The following TRPM2 variants were observed in gnomAD, a reference collection of about 807,000 sequenced individuals.
The protein encoded by TRPM2 is transient receptor potential cation channel subfamily M member 2, also known as estrogen-responsive element-associated gene 1 protein.
A neutral mutation model predicts 174.0 loss-of-function variants in TRPM2; 161 were observed. That is an observed-to-expected ratio of 0.93 (90% CI 0.81 to 1.05). The LOEUF (loss-of-function observed/expected upper bound fraction) is 1.05, where lower values mean the gene tolerates loss of function less well. Among genes scored for constraint, TRPM2 ranks in the 50% least tolerant of loss-of-function variants. TRPM2 has a pLI of 0.00. For synonymous variants in TRPM2, 954 were observed against 861.3 expected (o/e 1.11, Z -1.88); for missense variants, 2,057 against 2,038.0 (o/e 1.01, Z -0.18).
intron 9 of TRPM2, among the ~76,000 whole-genome samples, chr21:44,385,492 C>T (rs144360016): frequency 0.01 from 1,551 of 152,274 alleles, 11 homozygotes; most frequent in Admixed American, 0.017. Context: ...GGGAAGGATG[C>T]ATACTTTCAC....
chr21:44,356,120 G>A (rs1321652167), intron 2 of TRPM2, among the ~76,000 whole-genome samples: 1 of 132,530 alleles, frequency 7.5e-6, no homozygotes, highest in Non-Finnish European at 1.6e-5. Flanking sequence ...CGAGGCAGGT[G>A]ATCCACCCGC....
At chr21:44,387,193 T>C (rs1203314796) in intron 9 of TRPM2, among the ~76,000 whole-genome samples, 1 of 151,628 alleles carries the variant, frequency 6.6e-6, no homozygotes, top group Non-Finnish European at 1.5e-5. Flanking sequence ...CTCAAAAAAA[T>C]CCCAAAAAGA....
intron 31 of TRPM2, among the ~76,000 whole-genome samples, chr21:44,441,246 CCA>C (rs2051493812): frequency 8.4e-5 from 3 of 35,676 alleles, no homozygotes; most frequent in African/African-American, 6.1e-4. Flanking sequence ...GGCCAGGCGA[CCA>C]TAGGGCCCTG....
At chr21:44,374,183 G>A (rs1229948936) in intron 5 of TRPM2, among the ~76,000 whole-genome samples, 2 of 151,974 alleles carry the variant, frequency 1.3e-5, no homozygotes, top group Non-Finnish European at 2.9e-5. Context: ...GCTAATTTTT[G>A]TATTTTTAGT....
chr21:44,414,117 C>T (rs376958279), intron 20 of TRPM2, 43 bp downstream of exon 20: 58 of 1,489,582 alleles, frequency 3.9e-5, no homozygotes, highest in Middle Eastern at 1.7e-4. Context: ...GGTGGGTGGG[C>T]GGCGTTCCTG....
intron 5 of TRPM2, among the ~76,000 whole-genome samples, chr21:44,373,637 C>T (rs28613260): frequency 0.016 from 2,158 of 137,688 alleles, 84 homozygotes; most frequent in African/African-American, 0.062. Flanking sequence ...ATATGCGACC[C>T]GGATAGGCTG....
rs777671457 is a variant in TRPM2 at position 44,366,780 on chromosome 21, C to T, written c.450C>T (p.Pro150=). ...ACGTCCGAGTCTCCCAGGACACGCC[C>T]TCCAGCGTGATCTACCACCTCATGA... is the stretch of plus-strand genomic sequence containing the variant. ...KKYVRVSQDT[P]SSVIYHLMTQ... is the part of the protein sequence containing the mutation. Residue 150 remains proline (P), a synonymous_variant, in exon 4 of 32, where the codon CCC becomes CCT. Transcript: ENST00000397928. The surrounding 1 kb of genome is among the most constrained non-coding windows in gnomAD (Gnocchi z 6.0). 10 of 1,613,926 alleles carry T rather than the reference C, an allele frequency of 6.2e-6. No homozygotes were observed. Among genetic ancestry groups the T allele is most frequent in the African/African-American group, 1.3e-5 (1 of 74,896 alleles).
intron 12 of TRPM2, among the ~76,000 whole-genome samples, chr21:44,397,139 A>G (rs544376430): frequency 4.0e-5 from 6 of 151,860 alleles, no homozygotes; most frequent in East Asian, 3.9e-4. Context: ...ACCGTGTTCA[A>G]GCGATTCTCC....
intron 11 of TRPM2, among the ~76,000 whole-genome samples, chr21:44,393,125 T>A (rs1358456905): frequency 1.3e-5 from 2 of 152,160 alleles, no homozygotes; most frequent in Non-Finnish European, 2.9e-5. Flanking sequence ...CCTGCCGTAA[T>A]CTCCACCCTG....
At chr21:44,379,302 CTGGG>C in intron 8 of TRPM2, 105 bp downstream of exon 8, 6 of 1,379,648 alleles carry the variant, frequency 4.3e-6, no homozygotes, top group Non-Finnish European at 6.0e-6. Flanking sequence ...GGAGAACCCA[CTGGG>C]TCTGAGTGGG....
At chr21:44,394,275 C>T (rs903999141) in intron 11 of TRPM2, among the ~76,000 whole-genome samples, 3 of 149,922 alleles carry the variant, frequency 2.0e-5, no homozygotes, top group Non-Finnish European at 3.0e-5. Context: ...AGCAGAATCT[C>T]AAGCTTATCT....
rs200443114 is a variant in TRPM2, at chr21:44,399,468, A to G, written c.2208+27A>G. Reference sequence around the variant, plus strand: ...TGACCTCCCAAGAGCCCCTTCCAGAAACAGACGCCTGTGGTGCCTGCAGGG... The same window carrying G: ...TGACCTCCCAAGAGCCCCTTCCAGAGACAGACGCCTGTGGTGCCTGCAGGG... On this transcript the variant is annotated intron_variant, in intron 14 of 31. Coordinates refer to ENST00000397928, the MANE Select transcript of TRPM2 (RefSeq NM_003307.4). This position sits in a 1 kb window ranked among gnomAD's most constrained non-coding sequence, Gnocchi z 4.6. The G allele has an allele frequency of 6.2e-7, 1 of 1,600,178 alleles. No individual in the cohort carries two copies. Among genetic ancestry groups the G allele is most frequent in the East Asian group, 2.2e-5 (1 of 44,618 alleles).
rs755866235 is a variant in TRPM2 at position 44,432,373 on chromosome 21, G to C, written c.3975-2758G>C. Among the ~76,000 whole-genome samples the C allele has an allele frequency of 6.6e-6, 1 of 152,154 alleles. No individual in the cohort carries two copies. The highest frequency in any genetic ancestry group is 1.5e-5 in the Non-Finnish European group (1 of 68,036). ...CCCTGCACGTGTCTGTGTCTCTTCT[G>C]TTCTTAGGATTATAAATCGTACTGG... On this transcript the variant is annotated intron_variant, in intron 27 of 31. Transcript: ENST00000397928. The surrounding 1 kb of genome is among the most constrained non-coding windows in gnomAD (Gnocchi z 4.9).
At chr21:44,380,657 G>A (rs1444334972) in intron 8 of TRPM2, among the ~76,000 whole-genome samples, 2 of 152,154 alleles carry the variant, frequency 1.3e-5, no homozygotes, top group African/African-American at 2.4e-5. Context: ...CCTTTAACAC[G>A]CCTTCTCAGA....
chr21:44,406,157 C>T lies in TRPM2; in HGVS notation c.2790+120C>T. 3 of 1,300,404 alleles carry T rather than the reference C, an allele frequency of 2.3e-6. No homozygotes were observed. The South Asian group carries it at 4.2e-5, about 18-fold the overall frequency. The allele number at this position is 1,300,404 out of a possible 1,614,324, so 80.6% of individuals were successfully genotyped here. A position where few individuals can be genotyped will look rare whatever the true frequency, so the allele number is the denominator to read the frequency against. ...TAAACACACCTGTAGGTTCCCCGTC[C>T]CTGCTTTGCCCCTTGGGCTCCCAAG... On this transcript the variant is annotated intron_variant, in intron 18 of 31. Transcript: ENST00000397928.
chr21:44,422,642 G>A (rs1160085354), intron 22 of TRPM2, among the ~76,000 whole-genome samples: 1 of 152,174 alleles, frequency 6.6e-6, no homozygotes, highest in Non-Finnish European at 1.5e-5. Flanking sequence ...GGAGCCCAGG[G>A]GACAGCGGAT....
chr21:44,399,326 AAG>A lies in TRPM2; in HGVS notation c.2100_2101del (p.Arg700SerfsTer150), dbSNP rs753352410. 14 of 1,612,748 alleles carry A rather than the reference AAG, an allele frequency of 8.7e-6. No homozygotes were observed. The South Asian group carries it at 1.1e-4, about 13-fold the overall frequency. ...TTCACCGAGTGCTACCGGAAGGACGAAGAGAGAGCCCAGAAACTGCTCACCCG... is the reference window on the plus strand; with the variant it reads ...TTCACCGAGTGCTACCGGAAGGACGAAGAGAGCCCAGAAACTGCTCACCCG... On this transcript the variant is annotated frameshift_variant, in exon 14 of 32. Transcript: ENST00000397928. LOFTEE classifies it high-confidence loss of function. The surrounding 1 kb of genome is among the most constrained non-coding windows in gnomAD (Gnocchi z 4.6).
At chr21:44,357,072 T>C (rs4818911) in intron 2 of TRPM2, among the ~76,000 whole-genome samples, 41,345 of 152,110 alleles carry the variant, frequency 0.27, 6,446 homozygotes, top group African/African-American at 0.44. Context: ...TGTCTTCTGC[T>C]GACCTCTTGT....
rs548489897 is a variant in TRPM2 at position 44,366,969 on chromosome 21, C to A, written c.604+35C>A. On this transcript the variant is annotated intron_variant, in intron 4 of 31. Transcript: ENST00000397928. The surrounding 1 kb of genome is among the most constrained non-coding windows in gnomAD (Gnocchi z 6.0). ...AGGCTGGAGGGACACGAGGCCCCGG[C>A]GGGTGGGGTGGGCTGTGGAGGCAGT... The A allele has an allele frequency of 6.5e-7, 1 of 1,542,058 alleles. No homozygotes were observed. Among genetic ancestry groups the A allele is most frequent in the Non-Finnish European group, 8.8e-7 (1 of 1,141,338 alleles).
Sources: gnomAD v4.1 joint callset for allele counts (sites outside exome capture counted in the v4.1 genomes callset) on GRCh38, gnomAD v4.1.1 for gene constraint, Gnocchi (gnomAD v3.1) non-coding constraint, MANE v1.5 for transcripts, NCBI Gene and HGNC (gene_info 2026-07-23, HGNC 2026-07-21) for gene names.